The following ATG7 variants were observed in gnomAD, a reference collection of about 807,000 sequenced individuals.
ATG7 encodes the protein ubiquitin-like modifier-activating enzyme ATG7.
In ATG7, 70 loss-of-function variants were observed where a neutral mutation model predicts 82.4. The observed-to-expected ratio is 0.85, with a 90% CI of 0.70 to 1.04. The LOEUF is 1.04. ATG7 is among the 50% of genes least tolerant of loss of function. The pLI, the probability that ATG7 is intolerant of heterozygous loss-of-function variation, is 0.00. For missense variants in ATG7, 792 were observed against 864.3 expected, an observed-to-expected ratio of 0.92 and a Z score of 1.05; for synonymous variants, 287 against 313.0, an observed-to-expected ratio of 0.92 and a Z score of 0.88.
intron 19 of ATG7, among the ~76,000 whole-genome samples, chr3:11,394,850 A>G (rs917244588): frequency 1.2e-4 from 18 of 152,224 alleles, no homozygotes; most frequent in African/African-American, 4.3e-4. Context: ...ATTTATATAG[A>G]TAATTTTGCT....
intron 19 of ATG7, among the ~76,000 whole-genome samples, chr3:11,398,672 G>T (rs1309267909): frequency 1.3e-5 from 2 of 152,162 alleles, no homozygotes. Flanking sequence ...GTGCAACATA[G>T]CAAGACCCCG....
rs191094742 is a variant in ATG7 at position 11,555,457 on chromosome 3, G to T, written c.*614G>T. On this transcript the variant is annotated 3_prime_UTR_variant, in exon 21 of 21. Transcript: ENST00000693202. ...GTGAGCTGCTCAGACATGGCTTTCT[G>T]CCTCCCAGCCTGTCCTCCACTGTGG... The T allele has an allele frequency of 6.5e-6, 1 of 152,726 alleles. No individual in the cohort carries two copies. Among genetic ancestry groups the T allele is most frequent in the East Asian group, 1.9e-4 (1 of 5,210 alleles). 9.5% of individuals were successfully genotyped at this position (152,726 alleles called of 1,614,324 possible). A position where few individuals can be genotyped will look rare whatever the true frequency, so the allele number is the denominator to read the frequency against.
chr3:11,442,295 G>A (rs2442781), intron 20 of ATG7, among the ~76,000 whole-genome samples: 113,809 of 152,084 alleles, frequency 0.75, 42,985 homozygotes, highest in East Asian at 0.98. Flanking sequence ...TGGCCCCATC[G>A]CTAGTTGCAT....
chr3:11,467,480 G>A (rs925583509), intron 20 of ATG7, among the ~76,000 whole-genome samples: 24 of 152,278 alleles, frequency 1.6e-4, no homozygotes, highest in African/African-American at 5.8e-4. Flanking sequence ...AGCTTCAAGC[G>A]ATTCTTCTGC....
intron 19 of ATG7, among the ~76,000 whole-genome samples, chr3:11,425,700 A>G (rs886379751): frequency 6.6e-6 from 1 of 152,176 alleles, no homozygotes; most frequent in African/African-American, 2.4e-5. Flanking sequence ...CAAAAAAAAC[A>G]CATAAGTCTT....
At chr3:11,496,172 C>A (rs534911440) in intron 20 of ATG7, among the ~76,000 whole-genome samples, 9 of 152,332 alleles carry the variant, frequency 5.9e-5, no homozygotes, top group Admixed American at 2.6e-4. Flanking sequence ...CTAAAAAAAA[C>A]ATCCACAGAG....
At chr3:11,418,506 T>A (rs2081625386) in intron 19 of ATG7, among the ~76,000 whole-genome samples, 1 of 152,222 alleles carries the variant, frequency 6.6e-6, no homozygotes. Context: ...GTTTAGCTCC[T>A]GTAAGTAAAA....
At chr3:11,421,092 A>G (rs2081906406) in intron 19 of ATG7, among the ~76,000 whole-genome samples, 2 of 152,102 alleles carry the variant, frequency 1.3e-5, no homozygotes, top group Non-Finnish European at 2.9e-5. Context: ...TGCTAACAAT[A>G]TTGAGCTTTC....
At chr3:11,558,612 C>A (rs771000362), downstream of ATG7, 1 of 1,606,954 alleles carries the variant, frequency 6.2e-7, no homozygotes, top group African/African-American at 1.3e-5. Context: ...GAGGGGCTGG[C>A]GGGCTGGCCC....
chr3:11,500,535 A>G (rs2091244393), intron 20 of ATG7, among the ~76,000 whole-genome samples: 4 of 152,262 alleles, frequency 2.6e-5, no homozygotes, highest in African/African-American at 9.6e-5. Context: ...TAGGTCAACA[A>G]GAAAATCAAA....
rs547745845 is a variant in ATG7 at position 11,538,406 on chromosome 3, A to T, written c.2080-16405A>T. Among the ~76,000 whole-genome samples the T allele has an allele frequency of 2.0e-4, 31 of 152,020 alleles. 2 individuals carry two copies. In the South Asian group the frequency reaches 6.2e-3, roughly 31 times the overall value. On this transcript the variant is annotated intron_variant, in intron 20 of 20. Coordinates refer to ENST00000693202, the MANE Select transcript of ATG7 (RefSeq NM_001349232.2). Reference sequence around the variant, plus strand: ...GAACCCAGGACATGGGACGAGACAGACCTATGTGTGGATCTCAGCTCTGCC... The same window carrying T: ...GAACCCAGGACATGGGACGAGACAGTCCTATGTGTGGATCTCAGCTCTGCC...
intron 20 of ATG7, among the ~76,000 whole-genome samples, chr3:11,503,123 C>T (rs1401749798): frequency 6.6e-6 from 1 of 152,166 alleles, no homozygotes; most frequent in African/African-American, 2.4e-5. Flanking sequence ...CAGTCCTTCT[C>T]CAGAGCCTCT....
chr3:11,535,381 A>G (rs1232710238), intron 20 of ATG7, among the ~76,000 whole-genome samples: 2 of 152,212 alleles, frequency 1.3e-5, no homozygotes, highest in Non-Finnish European at 2.9e-5. Context: ...ATGGTGCCCA[A>G]GTCCCTGTGG....
At chr3:11,558,867 G>T, downstream of ATG7, 1 of 1,599,480 alleles carries the variant, frequency 6.3e-7, no homozygotes, top group Non-Finnish European at 8.5e-7. Flanking sequence ...GACACAGGTG[G>T]CTGCAGACAG....
Position 11,298,853 on chromosome 3 carries a change from A to G in ATG7, c.158A>G (p.Asn53Ser), listed in dbSNP as rs148863652. Residue 53 changes from asparagine to serine, a missense_variant and splice_region_variant, in exon 4 of 21, where the codon AAT becomes AGT. Transcript: ENST00000693202. ...AAGGACATTAAGGGTTATTACTACA[A>G]TGGTAGGTGATTGTAAATTTCATTT... Reference protein sequence around the residue: ...APKDIKGYYYNGDSAGLPARL... With the variant: ...APKDIKGYYYSGDSAGLPARL... 1.2e-6 allele frequency: 2 copies of G among 1,613,940 alleles called. No individual in the cohort carries two copies. The highest frequency in any genetic ancestry group is 2.2e-5 in the East Asian group (1 of 44,892).
At chr3:11,533,472 C>CAGA (rs2092729985) in intron 20 of ATG7, among the ~76,000 whole-genome samples, 1 of 148,690 alleles carries the variant, frequency 6.7e-6, no homozygotes, top group Non-Finnish European at 1.5e-5. Context: ...TCATGTTGTT[C>CAGA]ACAACATGAA....
chr3:11,570,417 A>G, the ATG7 span, among the ~76,000 whole-genome samples: 2 of 152,208 alleles, frequency 1.3e-5, no homozygotes, highest in African/African-American at 4.8e-5. Context: ...TGGCTTTCTC[A>G]GTCAGTAAGC....
chr3:11,504,751 ATGT>A (rs2091586301), intron 20 of ATG7, among the ~76,000 whole-genome samples: 1 of 152,242 alleles, frequency 6.6e-6, no homozygotes, highest in Non-Finnish European at 1.5e-5. Flanking sequence ...AGGGAAAACA[ATGT>A]TGTACAAGAA....
intron 20 of ATG7, among the ~76,000 whole-genome samples, chr3:11,521,798 T>C (rs1489700603): frequency 1.3e-5 from 2 of 151,882 alleles, no homozygotes; most frequent in Admixed American, 6.6e-5. Context: ...GTGATCCGCC[T>C]GCCTCAGCTT....
Sources: allele counts gnomAD v4.1 joint callset (sites outside exome capture counted in the v4.1 genomes callset), GRCh38; gene constraint gnomAD v4.1.1; transcripts MANE v1.5; gene names NCBI Gene and HGNC (gene_info 2026-07-23, HGNC 2026-07-21).